Variants in MRPS5 observed in about 807,000 individuals in gnomAD.
MRPS5 encodes the protein mitochondrial ribosomal protein S5.
MRPS5 carries 27 observed loss-of-function variants against 51.9 expected under a neutral mutation model. That is an observed-to-expected ratio of 0.52 (90% CI 0.38 to 0.72). MRPS5 has a LOEUF of 0.72. Ranked by LOEUF, MRPS5 falls within the 30% of genes least tolerant of loss-of-function variation. The pLI is 0.00. For missense variants in MRPS5, 570 were observed against 545.7 expected (o/e 1.04, Z -0.44); for synonymous variants, 196 against 193.2 (o/e 1.01, Z -0.12).
chr2:95,098,929 T>A lies in MRPS5; in HGVS notation c.931+1545A>T, dbSNP rs1488560576. Among the ~76,000 whole-genome samples the A allele has an allele frequency of 1.8e-3, 271 of 149,494 alleles. 2 individuals carry two copies. Among genetic ancestry groups the A allele is most frequent in the African/African-American group, 6.4e-3 (261 of 41,008 alleles). On this transcript the variant is annotated intron_variant, in intron 10 of 11. Coordinates refer to ENST00000272418, the MANE Select transcript of MRPS5 (RefSeq NM_031902.5). ...AAATTATTATTATTATTATTTTTTTTTTTTTTTTGAGACTAGTCTTGCTCT... is the reference window on the plus strand; with the variant it reads ...AAATTATTATTATTATTATTTTTTTATTTTTTTTGAGACTAGTCTTGCTCT...
chr2:95,117,790 A>G (rs575043663), intron 2 of MRPS5, 75 bp downstream of exon 2: 6 of 1,251,994 alleles, frequency 4.8e-6, no homozygotes, highest in East Asian at 4.8e-5. Context: ...GTGATTACTT[A>G]TATTTTTTAA....
intron 10 of MRPS5, among the ~76,000 whole-genome samples, chr2:95,093,917 C>T (rs560520313): frequency 2.0e-5 from 3 of 152,236 alleles, no homozygotes; most frequent in East Asian, 1.9e-4. Flanking sequence ...TTCAGAAGGT[C>T]GGTAATAACA....
chr2:95,110,261 T>A (rs1676078602), intron 3 of MRPS5, among the ~76,000 whole-genome samples: 1 of 152,186 alleles, frequency 6.6e-6, no homozygotes, highest in Admixed American at 6.5e-5. Flanking sequence ...CACAAAACTC[T>A]CACTAAATAT....
At chr2:95,108,081 A>G in intron 5 of MRPS5, 94 bp downstream of exon 5, 2 of 1,019,136 alleles carry the variant, frequency 2.0e-6, no homozygotes, top group Non-Finnish European at 1.5e-6. Flanking sequence ...GGAAAAAGGT[A>G]GTATAAACAG....
chr2:95,087,365 C>T lies in MRPS5; in HGVS notation c.1285G>A (p.Ala429Thr), dbSNP rs150875357. The change falls in exon 12 of 12, where the codon GCC becomes ACC. Residue 429 changes from alanine (A) to threonine (T), a missense_variant. By Grantham distance (58) the Ala-to-Thr change is moderately conservative. Coordinates refer to ENST00000272418, the MANE Select transcript of MRPS5 (RefSeq NM_031902.5). The stretch of plus-strand genomic sequence containing the variant: ...GCACAAGGCCAGAGAGGTTACGTGG[C>T]GGCTCTCTTCAAATTAGACCACACA... ...RSVWSNLKRA[A>T]T is the part of the protein sequence containing the mutation. 272 of 1,613,792 alleles carry T rather than the reference C, an allele frequency of 1.7e-4. 2 individuals carry two copies. The East Asian group carries it at 3.2e-3, about 19-fold the overall frequency.
intron 3 of MRPS5, among the ~76,000 whole-genome samples, chr2:95,113,985 T>C (rs1406927930): frequency 2.6e-5 from 4 of 151,380 alleles, no homozygotes; most frequent in Non-Finnish European, 5.9e-5. Flanking sequence ...CTGGGTGTGG[T>C]GGCACGCCCC....
chr2:95,115,098 T>C lies in MRPS5; in HGVS notation c.245A>G (p.Gln82Arg). Residue 82 changes from glutamine to arginine, a missense_variant, in exon 3 of 12, where the codon CAG becomes CGG. Transcript: ENST00000272418. ...CISSPSHLMS[Q>R]QYRPYSFFTK... ...GAAGAAACTATATGGTCTATACTGC[T>C]GGCTCATCAGGTGACTGGGAGAAGA... is the stretch of plus-strand genomic sequence containing the variant. 6.2e-7 allele frequency: 1 copy of C among 1,610,476 alleles called. No homozygotes were observed. The highest frequency in any genetic ancestry group is 8.5e-7 in the Non-Finnish European group (1 of 1,179,132).
intron 7 of MRPS5, among the ~76,000 whole-genome samples, chr2:95,103,204 A>G (rs2104410626): frequency 6.6e-6 from 1 of 152,344 alleles, no homozygotes; most frequent in East Asian, 1.9e-4. Context: ...CTAAGTCAAA[A>G]TATCTGACTA....
chr2:95,095,950 T>TA (rs2104400312), intron 10 of MRPS5, among the ~76,000 whole-genome samples: 2 of 152,268 alleles, frequency 1.3e-5, no homozygotes, highest in South Asian at 4.2e-4. Flanking sequence ...ACAAAATTGA[T>TA]AGACTGCTAG....
rs1219659445 is a variant in MRPS5, at chr2:95,110,422, T to C, written c.278-381A>G. Reference sequence around the variant, plus strand: ...TAACCACTAAGATAACTAATAACTATCCTTCCTAAGTATAAGTTTTCTAGT... The same window carrying C: ...TAACCACTAAGATAACTAATAACTACCCTTCCTAAGTATAAGTTTTCTAGT... On this transcript the variant is annotated intron_variant, in intron 3 of 11. Coordinates refer to ENST00000272418, the MANE Select transcript of MRPS5 (RefSeq NM_031902.5). Among the ~76,000 whole-genome samples, 8 of 152,218 alleles carry C rather than the reference T, an allele frequency of 5.3e-5. 1 individual carries two copies. Among genetic ancestry groups the C allele is most frequent in the Admixed American group, 3.9e-4 (6 of 15,286 alleles).
intron 10 of MRPS5, among the ~76,000 whole-genome samples, chr2:95,098,259 G>A (rs1370963608): frequency 3.9e-5 from 6 of 152,112 alleles, no homozygotes; most frequent in Admixed American, 6.5e-5. Flanking sequence ...AAACTAGTTC[G>A]ACCATTGTGG....
At chr2:95,120,450 G>C (rs1391576745) in intron 1 of MRPS5, among the ~76,000 whole-genome samples, 2 of 152,224 alleles carry the variant, frequency 1.3e-5, no homozygotes, top group Non-Finnish European at 2.9e-5. Flanking sequence ...CCAATGGGAA[G>C]CTGGGAAGTG....
chr2:95,118,656 C>G (rs760355615), intron 1 of MRPS5, among the ~76,000 whole-genome samples: 1 of 152,210 alleles, frequency 6.6e-6, no homozygotes, highest in African/African-American at 2.4e-5. Flanking sequence ...ACTGTGTACC[C>G]TCTCACACAG....
chr2:95,101,491 T>C (rs558840524), intron 8 of MRPS5, among the ~76,000 whole-genome samples, 186 bp downstream of exon 8: 1 of 152,196 alleles, frequency 6.6e-6, no homozygotes, highest in Admixed American at 6.5e-5. Context: ...ACAAATCTGA[T>C]AAAAAATGGT....
intron 2 of MRPS5, among the ~76,000 whole-genome samples, chr2:95,116,958 T>C (rs1324142729): frequency 4.6e-5 from 7 of 152,094 alleles, no homozygotes; most frequent in Non-Finnish European, 4.4e-5. Flanking sequence ...CTAGCCAACA[T>C]AGTGAAACCC....
chr2:95,104,972 A>C (rs1675907260), intron 6 of MRPS5, among the ~76,000 whole-genome samples: 1 of 152,214 alleles, frequency 6.6e-6, no homozygotes, highest in South Asian at 2.1e-4. Flanking sequence ...ATGATAACTG[A>C]GAAAACCTTT....
intron 10 of MRPS5, among the ~76,000 whole-genome samples, chr2:95,098,877 C>T (rs1675708999): frequency 6.6e-6 from 1 of 150,570 alleles, no homozygotes; most frequent in Admixed American, 6.6e-5. Flanking sequence ...AATACATAAA[C>T]ATATGGGGAC....
chr2:95,105,274 GCA>G (rs1675915607), intron 6 of MRPS5, among the ~76,000 whole-genome samples: 1 of 152,106 alleles, frequency 6.6e-6, no homozygotes, highest in Admixed American at 6.5e-5. Flanking sequence ...GAACAGCCGG[GCA>G]CAGTGGCTCA....
Position 95,104,705 on chromosome 2 carries a change from G to T in MRPS5, c.698C>A (p.Ala233Glu), listed in dbSNP as rs746794217. 20 of 1,613,290 alleles carry T rather than the reference G, an allele frequency of 1.2e-5. No individual in the cohort carries two copies. Among genetic ancestry groups the T allele is most frequent in the Non-Finnish European group, 1.5e-5 (18 of 1,179,848 alleles). ...LEVRNVFTMT[A>E]KEGRKKSIRV... The stretch of plus-strand genomic sequence containing the variant: ...GATCGATTTCTTTCTTCCCTCTTTC[G>T]CAGTCATAGTGAAAACGTTTCTTAC... The change falls in exon 7 of 12, where the codon GCG becomes GAG. Residue 233 changes from alanine (A) to glutamate (E), a missense_variant. Transcript: ENST00000272418.
Sources: allele counts gnomAD v4.1 joint callset (sites outside exome capture counted in the v4.1 genomes callset), GRCh38; gene constraint gnomAD v4.1.1; transcripts MANE v1.5; gene names NCBI Gene and HGNC (gene_info 2026-07-23, HGNC 2026-07-21).